Variants in MLLT3 observed in about 807,000 individuals in gnomAD.
MLLT3 encodes protein AF-9.
A neutral mutation model predicts 53.2 loss-of-function variants in MLLT3; 4 were observed. The ratio of observed to expected loss-of-function variants is 0.08; its 90% CI spans 0.04 to 0.17. The LOEUF (loss-of-function observed/expected upper bound fraction) is 0.17, where lower values mean the gene tolerates loss of function less well. Ranked by LOEUF, MLLT3 falls within the 10% of genes least tolerant of loss-of-function variation. The pLI is 1.00. For missense variants in MLLT3, 569 were observed against 684.0 expected (o/e 0.83, Z 1.87); for synonymous variants, 283 against 230.6 (o/e 1.23, Z -2.06).
chr9:20,354,341 A>T (rs940523031), intron 9 of MLLT3, among the ~76,000 whole-genome samples: 3 of 152,236 alleles, frequency 2.0e-5, no homozygotes, highest in African/African-American at 7.2e-5. Flanking sequence ...AGATTTGTGA[A>T]ACATTACAGA....
intron 7 of MLLT3, among the ~76,000 whole-genome samples, chr9:20,361,306 T>C (rs765721403): frequency 1.1e-4 from 17 of 152,302 alleles, no homozygotes; most frequent in Non-Finnish European, 2.2e-4. Flanking sequence ...TATTTTCCTT[T>C]CCTCCTCCCT....
At chr9:20,428,876 T>C (rs1044764499) in intron 4 of MLLT3, among the ~76,000 whole-genome samples, 1 of 151,982 alleles carries the variant, frequency 6.6e-6, no homozygotes, top group African/African-American at 2.4e-5. Context: ...GCAACAAATG[T>C]GAAAGCAAAC....
intron 2 of MLLT3, among the ~76,000 whole-genome samples, chr9:20,605,069 A>G (rs958441982): frequency 6.6e-6 from 1 of 152,108 alleles, no homozygotes; most frequent in African/African-American, 2.4e-5. Context: ...ATGGTTAGTC[A>G]TTGCTGTAAA....
chr9:20,439,221 T>A (rs1372674976), intron 4 of MLLT3, among the ~76,000 whole-genome samples: 1 of 152,064 alleles, frequency 6.6e-6, no homozygotes, highest in African/African-American at 2.4e-5. Context: ...CTGGACGTGG[T>A]GGCGTACATC....
chr9:20,589,181 A>G (rs1433324493), intron 2 of MLLT3, among the ~76,000 whole-genome samples: 1 of 150,058 alleles, frequency 6.7e-6, no homozygotes, highest in African/African-American at 2.4e-5. Context: ...ACTTGGAACC[A>G]ACCCAAATGT....
chr9:20,520,863 A>T (rs1287495046), intron 2 of MLLT3, among the ~76,000 whole-genome samples: 2 of 152,180 alleles, frequency 1.3e-5, no homozygotes, highest in African/African-American at 4.8e-5. Flanking sequence ...GGCTGCAGAA[A>T]AAGCCAGAGA....
rs139713798 is a variant in MLLT3, at chr9:20,363,635, CA to C, written c.1202-31del. On this transcript the variant is annotated intron_variant, in intron 6 of 10. Coordinates refer to ENST00000380338, the MANE Select transcript of MLLT3 (RefSeq NM_004529.4). ...GTAATGACAATGAACCACAGGCAAT[CA>C]AACATATACTCAAACACACTTAGCC... 1,435 of 1,608,830 alleles carry C rather than the reference CA, an allele frequency of 8.9e-4. 11 individuals are homozygous for C. In the East Asian group the frequency reaches 9.0e-3, roughly 10 times the overall value.
At chr9:20,591,292 G>C (rs531262912) in intron 2 of MLLT3, among the ~76,000 whole-genome samples, 2 of 152,218 alleles carry the variant, frequency 1.3e-5, no homozygotes, top group East Asian at 3.9e-4. Flanking sequence ...TTGGGCACTG[G>C]GGGTGCATTT....
chr9:20,400,702 T>C (rs780548169), intron 5 of MLLT3, among the ~76,000 whole-genome samples: 2 of 151,992 alleles, frequency 1.3e-5, no homozygotes, highest in East Asian at 1.9e-4. Flanking sequence ...ATTTCATGTA[T>C]ACTTGAAAAT....
At chr9:20,611,144 T>C (rs1009869006) in intron 2 of MLLT3, among the ~76,000 whole-genome samples, 2 of 152,172 alleles carry the variant, frequency 1.3e-5, no homozygotes, top group Non-Finnish European at 2.9e-5. Flanking sequence ...ACAATGAACC[T>C]GGTTTTTAAA....
chr9:20,518,233 T>G (rs1451334926), intron 2 of MLLT3, among the ~76,000 whole-genome samples: 1 of 152,086 alleles, frequency 6.6e-6, no homozygotes, highest in Non-Finnish European at 1.5e-5. Context: ...TAATCCCAGC[T>G]ACTCAGGAGG....
chr9:20,601,342 T>A (rs566774120), intron 2 of MLLT3, among the ~76,000 whole-genome samples: 4 of 152,186 alleles, frequency 2.6e-5, no homozygotes, highest in Admixed American at 6.5e-5. Context: ...AAAAAACACA[T>A]GAAAACTTAC....
chr9:20,420,184 C>A (rs1018419400), intron 4 of MLLT3, among the ~76,000 whole-genome samples: 1 of 151,764 alleles, frequency 6.6e-6, no homozygotes, highest in Non-Finnish European at 1.5e-5. Context: ...AAAATATAGG[C>A]AAAATTAAGA....
chr9:20,616,598 C>G (rs1327645046), intron 2 of MLLT3, among the ~76,000 whole-genome samples: 1 of 152,130 alleles, frequency 6.6e-6, no homozygotes, highest in Non-Finnish European at 1.5e-5. Context: ...TATTTACAGA[C>G]ATACACTTGT....
intron 2 of MLLT3, among the ~76,000 whole-genome samples, chr9:20,473,542 A>C (rs1824446763): frequency 6.6e-6 from 1 of 152,108 alleles, no homozygotes; most frequent in Non-Finnish European, 1.5e-5. Context: ...ACATAGACAC[A>C]GTCAGGGAAG....
intron 5 of MLLT3, among the ~76,000 whole-genome samples, chr9:20,377,984 CT>C (rs1341951598): frequency 6.6e-6 from 1 of 152,040 alleles, no homozygotes; most frequent in African/African-American, 2.4e-5. Context: ...TACTGGAGCT[CT>C]TTCCTCTATC....
intron 2 of MLLT3, among the ~76,000 whole-genome samples, chr9:20,592,481 A>T (rs1253445423): frequency 6.6e-6 from 1 of 151,996 alleles, no homozygotes; most frequent in Non-Finnish European, 1.5e-5. Context: ...TGTCTGTCCT[A>T]ATCTTCTCTT....
intron 2 of MLLT3, among the ~76,000 whole-genome samples, chr9:20,548,241 T>C (rs946122794): frequency 1.2e-4 from 18 of 152,238 alleles, no homozygotes; most frequent in African/African-American, 4.3e-4. Context: ...GACTGCCATA[T>C]TGGACAGCAT....
At chr9:20,385,006 C>T (rs900092964) in intron 5 of MLLT3, among the ~76,000 whole-genome samples, 1 of 152,008 alleles carries the variant, frequency 6.6e-6, no homozygotes, top group African/African-American at 2.4e-5. Context: ...ACTAAAAATT[C>T]TTGCAGAAAA....
Sources: allele counts gnomAD v4.1 joint callset (sites outside exome capture counted in the v4.1 genomes callset), GRCh38; gene constraint gnomAD v4.1.1; transcripts MANE v1.5; gene names NCBI Gene and HGNC (gene_info 2026-07-23, HGNC 2026-07-21).